Variants in MDK observed in about 807,000 individuals in gnomAD.
MDK encodes amphiregulin-associated protein.
MDK carries 17 observed loss-of-function variants against 18.9 expected under a neutral mutation model. The observed-to-expected ratio is 0.90, with a 90% CI of 0.62 to 1.35. MDK has a LOEUF of 1.35. Ranked by LOEUF, MDK falls within the 40% of genes most tolerant of loss-of-function variation. The pLI is 0.00. For missense variants in MDK, 180 were observed against 186.3 expected, an observed-to-expected ratio of 0.97 and a Z score of 0.20; for synonymous variants, 86 against 74.3, an observed-to-expected ratio of 1.16 and a Z score of -0.81.
intron 3 of MDK, 44 bp downstream of exon 3, chr11:46,382,505 C>A (rs758618039): frequency 2.0e-6 from 3 of 1,533,026 alleles, no homozygotes; most frequent in South Asian, 2.5e-5. Context: ...GGGGGCACAG[C>A]CTCGCCGAAG....
rs370175046 is a variant in MDK, at chr11:46,382,452, G to C, written c.235G>C (p.Glu79Gln). Residue 79 changes from glutamate (E) to glutamine (Q), a missense_variant, in exon 3 of 5, where the codon GAG becomes CAG. By Grantham distance (29) the Glu-to-Gln change is conservative (BLOSUM62 2). Coordinates refer to ENST00000395566, the MANE Select transcript of MDK (RefSeq NM_002391.6). ...RCRVPCNWKK[E>Q]FGADCKYKFE... ...CAGGGTGCCCTGCAACTGGAAGAAG[G>C]AGTTTGGAGGTGAGGCGGGGCGCAG... is the stretch of plus-strand genomic sequence containing the variant. The C allele has an allele frequency of 2.2e-5, 33 of 1,522,832 alleles. No homozygotes were observed. The highest frequency in any genetic ancestry group is 2.6e-5 in the Non-Finnish European group (30 of 1,133,712). 94.3% of individuals were successfully genotyped at this position (1,522,832 alleles called of 1,614,324 possible). A position where few individuals can be genotyped will look rare whatever the true frequency, so the allele number is the denominator to read the frequency against.
At chr11:46,383,415 A>C in intron 4 of MDK, 54 bp from the exon 5 acceptor site, 1 of 1,448,984 alleles carries the variant, frequency 6.9e-7, no homozygotes, top group Non-Finnish European at 9.4e-7. Flanking sequence ...GGCGGTCTGC[A>C]ATGGGTCAGC....
intron 4 of MDK, 81 bp from the exon 5 acceptor site, chr11:46,383,388 C>CGGGTGTT: frequency 4.5e-6 from 5 of 1,105,014 alleles, no homozygotes; most frequent in Middle Eastern, 3.1e-4. Flanking sequence ...CCCTGATGCC[C>CGGGTGTT]GGGTGTTTGT....
intron 4 of MDK, 113 bp from the exon 5 acceptor site, chr11:46,383,356 T>C: frequency 1.3e-6 from 1 of 789,396 alleles, no homozygotes; most frequent in Non-Finnish European, 2.1e-6. Flanking sequence ...TGGAAACCAC[T>C]AGGGGGCAGA....
rs1483668294 is a variant in MDK at position 46,383,765 on chromosome 11, AAG to A, written c.*273_*274del. On this transcript the variant is annotated 3_prime_UTR_variant, in exon 5 of 5. Coordinates refer to ENST00000395566, the MANE Select transcript of MDK (RefSeq NM_002391.6). The stretch of plus-strand genomic sequence containing the variant: ...TGTTCTTCCCCACAATTCCATTACT[AAG>A]AAACACATCAAATAAACTGACTTTT... 3.5e-6 allele frequency: 2 copies of A among 572,694 alleles called. No homozygotes were observed. The highest frequency in any genetic ancestry group is 3.8e-5 in the African/African-American group (2 of 53,300). 35.5% of individuals were successfully genotyped at this position (572,694 alleles called of 1,614,324 possible).
At chr11:46,381,117 G>A (rs1212301788), upstream of MDK, 1 of 152,308 alleles carries the variant, frequency 6.6e-6, no homozygotes, top group Non-Finnish European at 1.5e-5. Context: ...TTCTCTGGGC[G>A]ACCGGGTCCC....
At position 46,383,408 on chromosome 11, in the gene MDK, G is replaced by A. The variant is rs372339396; in HGVS notation, c.407-61G>A. On this transcript the variant is annotated intron_variant, in intron 4 of 4. Transcript: ENST00000395566. ...ATGCCCGGGTGTTTGTGGAGCCGGC[G>A]GTCTGCAATGGGTCAGCCTAACTGC... The A allele has an allele frequency of 1.5e-4, 206 of 1,341,462 alleles. 1 individual carries two copies. The highest frequency in any genetic ancestry group is 2.0e-4 in the Non-Finnish European group (197 of 971,766). The allele number at this position is 1,341,462 out of a possible 1,614,324, so 83.1% of individuals were successfully genotyped here.
intron 4 of MDK, 33 bp downstream of exon 4, chr11:46,382,781 C>CGGGGG (rs1342765590): frequency 1.7e-5 from 8 of 470,144 alleles, no homozygotes; most frequent in East Asian, 9.7e-5. Flanking sequence ...GGGGCTGTCG[C>CGGGGG]GGGGGGCTGC....
rs1945239323 is a variant in MDK at position 46,382,506 on chromosome 11, C to T, written c.244+45C>T. On this transcript the variant is annotated intron_variant, in intron 3 of 4. Transcript: ENST00000395566. ...GAGGGCAGGAGACGGGGGGCACAGC[C>T]TCGCCGAAGCCTGGGCGGACCCTTG... The T allele has an allele frequency of 3.9e-6, 6 of 1,533,820 alleles. No homozygotes were observed. The East Asian group carries it at 1.2e-4, about 30-fold the overall frequency.
Position 46,383,697 on chromosome 11 carries a change from C to G in MDK, c.*203C>G, listed in dbSNP as rs1361517095. The G allele has an allele frequency of 1.5e-6, 1 of 686,906 alleles. No homozygotes were observed. Among genetic ancestry groups the G allele is most frequent in the African/African-American group, 1.8e-5 (1 of 56,908 alleles). 42.6% of individuals were successfully genotyped at this position (686,906 alleles called of 1,614,324 possible). ...GGGAGGGACAAGGGATTCTGGGAAGCTTGAGCCTCCCCCAAAGCAATGTGA... is the reference window on the plus strand; with the variant it reads ...GGGAGGGACAAGGGATTCTGGGAAGGTTGAGCCTCCCCCAAAGCAATGTGA... On this transcript the variant is annotated 3_prime_UTR_variant, in exon 5 of 5. Coordinates refer to ENST00000395566, the MANE Select transcript of MDK (RefSeq NM_002391.6).
upstream of MDK, among the ~76,000 whole-genome samples, chr11:46,381,484 CG>C (rs2136535780): frequency 6.7e-6 from 1 of 148,344 alleles, no homozygotes; most frequent in South Asian, 2.2e-4. Flanking sequence ...CAGAGGGCAC[CG>C]GCGGGGAGAC....
chr11:46,383,391 G>A, intron 4 of MDK, 78 bp from the exon 5 acceptor site: 2 of 1,126,714 alleles, frequency 1.8e-6, no homozygotes, highest in Non-Finnish European at 2.6e-6. Context: ...TGATGCCCGG[G>A]TGTTTGTGGA....
At chr11:46,380,995 C>G (rs955356965), upstream of MDK, 1 of 152,382 alleles carries the variant, frequency 6.6e-6, no homozygotes, top group Non-Finnish European at 1.5e-5. Flanking sequence ...CGGCTCCTGT[C>G]AGCGCCAAGT....
Position 46,382,376 on chromosome 11 carries a change from C to A in MDK, c.159C>A (p.Gly53=), listed in dbSNP as rs1451820460. ...GPCTPSSKDC[G]VGFREGTCGA... Reference sequence around the variant, plus strand: ...GCACCCCCAGCAGCAAGGATTGCGGCGTGGGTTTCCGCGAGGGCACCTGCG... The same window carrying A: ...GCACCCCCAGCAGCAAGGATTGCGGAGTGGGTTTCCGCGAGGGCACCTGCG... Residue 53 remains glycine (G), a synonymous_variant, in exon 3 of 5, where the codon GGC becomes GGA. Transcript: ENST00000395566. The A allele has an allele frequency of 6.4e-7, 1 of 1,573,752 alleles. No homozygotes were observed. The highest frequency in any genetic ancestry group is 1.2e-5 in the South Asian group (1 of 85,092).
Position 46,383,640 on chromosome 11 carries a change from C to A in MDK, c.*146C>A. On this transcript the variant is annotated 3_prime_UTR_variant, in exon 5 of 5. Transcript: ENST00000395566. ...ATCATGCCCTGCCTTGTCCCTCTCA[C>A]TCCCCAGCCCCACCCCTAAGTGCCC... 1.3e-6 allele frequency: 1 copy of A among 785,066 alleles called. No individual in the cohort carries two copies. The highest frequency in any genetic ancestry group is 2.2e-6 in the Non-Finnish European group (1 of 453,168). 48.6% of individuals were successfully genotyped at this position (785,066 alleles called of 1,614,324 possible).
At chr11:46,383,268 A>G in intron 4 of MDK, 1 of 529,990 alleles carries the variant, frequency 1.9e-6, no homozygotes, top group Non-Finnish European at 3.4e-6. Context: ...TCTGATCCCA[A>G]GTGGAAATAG....
At chr11:46,381,418 G>C (rs1335287882), upstream of MDK, 2 of 152,608 alleles carry the variant, frequency 1.3e-5, no homozygotes, top group African/African-American at 4.8e-5. Context: ...GACGGGGCCC[G>C]GGGTCGGGAG....
chr11:46,381,034 C>T (rs1031749506), upstream of MDK: 1 of 152,298 alleles, frequency 6.6e-6, no homozygotes, highest in Non-Finnish European at 1.5e-5. Context: ...GCGGGCTCCT[C>T]CCCCAGGACC....
rs770992371 is a variant in MDK at position 46,383,474 on chromosome 11, A to AAAGGG, written c.420_424dup (p.Lys142ArgfsTer32). 2 of 1,595,616 alleles carry AAAGGG rather than the reference A, an allele frequency of 1.3e-6. No homozygotes were observed. The highest frequency in any genetic ancestry group is 3.5e-5 in the Admixed American group (2 of 56,410). ...ATTTCTTTCTTGTTTTACAGCCAAG[A>AAAGGG]AAGGGAAGGGAAAGGACTAGACGCC... On this transcript the variant is annotated frameshift_variant, in exon 5 of 5. Transcript: ENST00000395566. LOFTEE classifies it high-confidence loss of function.
Sources: gnomAD v4.1 joint callset for allele counts (sites outside exome capture counted in the v4.1 genomes callset) on GRCh38, gnomAD v4.1.1 for gene constraint, MANE v1.5 for transcripts, NCBI Gene and HGNC (gene_info 2026-07-23, HGNC 2026-07-21) for gene names.